Variants in DMXL1 observed in about 807,000 individuals in gnomAD.
DMXL1 encodes the protein dmX-like protein 1.
In DMXL1, 99 loss-of-function variants were observed where a neutral mutation model predicts 319.2. The ratio of observed to expected loss-of-function variants is 0.31; its 90% CI spans 0.26 to 0.37. DMXL1 has a LOEUF of 0.37. Ranked by LOEUF, DMXL1 falls within the 10% of genes least tolerant of loss-of-function variation. DMXL1 has a pLI of 1.00. For missense variants in DMXL1, 3,745 were observed against 3,595.6 expected (o/e 1.04, Z -1.06); for synonymous variants, 1,385 against 1,235.2 (o/e 1.12, Z -2.54).
At chr5:119,244,138 G>A (rs141931428) in intron 42 of DMXL1, among the ~76,000 whole-genome samples, 89 of 152,246 alleles carry the variant, frequency 5.8e-4, no homozygotes, top group African/African-American at 2.0e-3. Context: ...GTAAGCTAGG[G>A]CAGTTTTATG....
intron 9 of DMXL1, among the ~76,000 whole-genome samples, chr5:119,125,368 A>G (rs534895338): frequency 4.1e-4 from 62 of 152,190 alleles, no homozygotes; most frequent in Admixed American, 9.2e-4. Flanking sequence ...GCTTACGGAA[A>G]GTATAAAAAG....
chr5:119,212,450 G>A lies in DMXL1; in HGVS notation c.7927-4451G>A, dbSNP rs375836161. Among the ~76,000 whole-genome samples the A allele has an allele frequency of 8.5e-5, 13 of 152,138 alleles. No individual in the cohort carries two copies. The East Asian group carries it at 1.4e-3, about 16-fold the overall frequency. ...GTTCATACATTTTGTTTATCCATTC[G>A]TCAGTTAGTGGACATTTGAGTTGTG... On this transcript the variant is annotated intron_variant, in intron 34 of 43. Transcript: ENST00000539542.
intron 19 of DMXL1, among the ~76,000 whole-genome samples, chr5:119,158,256 A>G (rs1422186220): frequency 9.1e-6 from 1 of 109,326 alleles, no homozygotes; most frequent in Non-Finnish European, 2.0e-5. Flanking sequence ...TGTTTTGTTT[A>G]TTTTTAAAAT....
intron 33 of DMXL1, among the ~76,000 whole-genome samples, chr5:119,203,892 C>T (rs1174886057): frequency 6.6e-6 from 1 of 152,114 alleles, no homozygotes; most frequent in Non-Finnish European, 1.5e-5. Context: ...GCGATCTCAG[C>T]TTACTGCAAG....
intron 34 of DMXL1, among the ~76,000 whole-genome samples, chr5:119,216,000 G>A (rs532700711): frequency 2.1e-5 from 3 of 144,426 alleles, no homozygotes; most frequent in Non-Finnish European, 4.5e-5. Context: ...GGAGTCTGGA[G>A]CAGGAGAATT....
chr5:119,112,098 C>A (rs1759756251), intron 5 of DMXL1, among the ~76,000 whole-genome samples: 2 of 152,062 alleles, frequency 1.3e-5, no homozygotes. Context: ...GTAGTTGGGA[C>A]TACAGGCGCT....
intron 35 of DMXL1, among the ~76,000 whole-genome samples, chr5:119,217,264 C>G (rs1308948179): frequency 6.6e-6 from 1 of 152,026 alleles, no homozygotes; most frequent in Non-Finnish European, 1.5e-5. Flanking sequence ...ATACAATGTA[C>G]TATAGTAGTT....
intron 9 of DMXL1, among the ~76,000 whole-genome samples, chr5:119,125,623 G>A (rs973039230): frequency 3.9e-5 from 6 of 152,132 alleles, no homozygotes; most frequent in African/African-American, 1.4e-4. Flanking sequence ...GAAGTGCAAT[G>A]GTGTGATCTC....
chr5:119,197,911 T>C lies in DMXL1; in HGVS notation c.7700T>C (p.Ile2567Thr). Reference protein sequence around the residue: ...AEESLSAGPAILRHKALLEPT... With the variant: ...AEESLSAGPATLRHKALLEPT... ...GAGAGTTTGTCTGCAGGTCCTGCAA[T>C]TCTTCGCCACAAAGCTTTACTGGAA... Residue 2567 changes from isoleucine (I) to threonine (T), a missense_variant, in exon 32 of 44, where the codon ATT becomes ACT. By Grantham distance (89) the Ile-to-Thr change is moderately conservative. Around this residue, in one of 4 missense-constraint regions of DMXL1, gnomAD observed 1,382 missense variants for 1,269.5 expected, o/e 1.09. Coordinates refer to ENST00000539542, the MANE Select transcript of DMXL1 (RefSeq NM_001290321.3). 6.2e-7 allele frequency: 1 copy of C among 1,614,216 alleles called. No individual in the cohort carries two copies. The highest frequency in any genetic ancestry group is 8.5e-7 in the Non-Finnish European group (1 of 1,180,030).
intron 17 of DMXL1, among the ~76,000 whole-genome samples, chr5:119,148,183 C>A (rs1768997127): frequency 6.6e-6 from 1 of 152,064 alleles, no homozygotes; most frequent in African/African-American, 2.4e-5. Context: ...GGCAAATATA[C>A]CTCAATCATG....
chr5:119,172,267 A>G (rs1774738937), intron 25 of DMXL1, among the ~76,000 whole-genome samples: 1 of 152,228 alleles, frequency 6.6e-6, no homozygotes, highest in Admixed American at 6.5e-5. Flanking sequence ...ACATTTAACC[A>G]AAAAGCTCAT....
At chr5:119,217,980 C>G (rs1783984434) in intron 35 of DMXL1, among the ~76,000 whole-genome samples, 1 of 152,060 alleles carries the variant, frequency 6.6e-6, no homozygotes, top group Non-Finnish European at 1.5e-5. Flanking sequence ...TCAGACAGTT[C>G]TGTTATCAAA....
intron 15 of DMXL1, among the ~76,000 whole-genome samples, chr5:119,145,025 G>T (rs1283641155): frequency 6.6e-6 from 1 of 151,662 alleles, no homozygotes; most frequent in Non-Finnish European, 1.5e-5. Context: ...AAAACTAATT[G>T]TCTTAATTAA....
At position 119,187,902 on chromosome 5, in the gene DMXL1, C is replaced by T. The variant is rs142956880; in HGVS notation, c.7136-1806C>T. Among the ~76,000 whole-genome samples the T allele has an allele frequency of 4.0e-3, 606 of 152,300 alleles. 10 individuals carry two copies. The highest frequency in any genetic ancestry group is 0.027 in the South Asian group (128 of 4,822). On this transcript the variant is annotated intron_variant, in intron 28 of 43. Coordinates refer to ENST00000539542, the MANE Select transcript of DMXL1 (RefSeq NM_001290321.3). The stretch of plus-strand genomic sequence containing the variant: ...GGATCCTGACCTCAGGTGATCTGCC[C>T]ACCTCTGCCTCCCAAAGTGCTGGGA...
At chr5:119,081,700 A>G (rs573980086) in intron 1 of DMXL1, 4 of 985,388 alleles carry the variant, frequency 4.1e-6, no homozygotes, top group East Asian at 1.1e-4. Flanking sequence ...AACCAGAGGT[A>G]CCCTTGCTTA....
intron 28 of DMXL1, among the ~76,000 whole-genome samples, chr5:119,185,135 C>T (rs1412396705): frequency 6.6e-6 from 1 of 151,978 alleles, no homozygotes; most frequent in Non-Finnish European, 1.5e-5. Context: ...CCACCTGCCC[C>T]CATCTCTCCT....
intron 13 of DMXL1, among the ~76,000 whole-genome samples, chr5:119,137,665 T>C (rs1766331198): frequency 6.6e-6 from 1 of 152,184 alleles, no homozygotes; most frequent in Non-Finnish European, 1.5e-5. Flanking sequence ...GTTTAAAAAG[T>C]GTCAGTTTCC....
At chr5:119,238,839 T>G in intron 40 of DMXL1, 150 bp from the exon 41 acceptor site, 1 of 1,419,818 alleles carries the variant, frequency 7.0e-7, no homozygotes, top group Non-Finnish European at 9.2e-7. Flanking sequence ...CTGTATTACT[T>G]TTACAATTTT....
intron 25 of DMXL1, 63 bp from the exon 26 acceptor site, chr5:119,175,198 C>A: frequency 2.3e-6 from 3 of 1,311,390 alleles, no homozygotes; most frequent in Non-Finnish European, 3.2e-6. Flanking sequence ...TATATTAGGT[C>A]TTGAAAAAAA....
Sources: gnomAD v4.1 joint callset for allele counts (sites outside exome capture counted in the v4.1 genomes callset) on GRCh38, gnomAD v4.1.1 for gene constraint, gnomAD v4.1.1 regional missense constraint, MANE v1.5 for transcripts, NCBI Gene and HGNC (gene_info 2026-07-23, HGNC 2026-07-21) for gene names.